The following VASH1 variants were observed in gnomAD, a reference collection of about 807,000 sequenced individuals.
VASH1 encodes the protein tubulinyl-Tyr carboxypeptidase 1.
In VASH1, 16 loss-of-function variants were observed where a neutral mutation model predicts 35.0. That is an observed-to-expected ratio of 0.46 (90% CI 0.31 to 0.70). The LOEUF (loss-of-function observed/expected upper bound fraction) is 0.70. Among genes scored for constraint, VASH1 ranks in the 30% least tolerant of loss-of-function variants. The pLI is 0.05. For synonymous variants in VASH1, 214 were observed against 200.9 expected (o/e 1.07, Z -0.55); for missense variants, 505 against 510.7 (o/e 0.99, Z 0.11).
At chr14:76,774,927 T>TCCTTTGTGTAG (rs1893892652) in intron 4 of VASH1, 1 of 152,286 alleles carries the variant, frequency 6.6e-6, no homozygotes, top group African/African-American at 2.4e-5. Flanking sequence ...CAAAGGGGGA[T>TCCTTTGTGTAG]AGTGGCAGTG....
chr14:76,780,584 T>C lies in VASH1; in HGVS notation c.*1566T>C, dbSNP rs1894077505. 6.6e-6 allele frequency: 1 copy of C among 152,262 alleles called. No individual in the cohort carries two copies. The allele number at this position is 152,262 out of a possible 1,614,324, so 9.4% of individuals were successfully genotyped here. A position where few individuals can be genotyped will look rare whatever the true frequency, so the allele number is the denominator to read the frequency against. ...TGAGAAGGAGGCCTGAAGGGCTGTG[T>C]GGGGACTATGGCTACCTGAAGAGGG... is the stretch of plus-strand genomic sequence containing the variant. On this transcript the variant is annotated 3_prime_UTR_variant, in exon 7 of 7. Coordinates refer to ENST00000167106, the MANE Select transcript of VASH1 (RefSeq NM_014909.5).
chr14:76,762,690 C>G lies in VASH1; in HGVS notation c.-132C>G. 2.7e-6 allele frequency: 2 copies of G among 748,696 alleles called. No individual in the cohort carries two copies. The highest frequency in any genetic ancestry group is 4.0e-6 in the Non-Finnish European group (2 of 498,954). The allele number at this position is 748,696 out of a possible 1,614,324, so 46.4% of individuals were successfully genotyped here. Reference sequence around the variant, plus strand: ...TTTTATCAAGTCGTATTTTATTGTACAGGAGCCACGCCCTGATTTCTTAAA... The same window carrying G: ...TTTTATCAAGTCGTATTTTATTGTAGAGGAGCCACGCCCTGATTTCTTAAA... On this transcript the variant is annotated 5_prime_UTR_variant, in exon 1 of 7. Coordinates refer to ENST00000167106, the MANE Select transcript of VASH1 (RefSeq NM_014909.5).
At chr14:76,771,622 C>G (rs1269700004) in intron 3 of VASH1, among the ~76,000 whole-genome samples, 1 of 152,224 alleles carries the variant, frequency 6.6e-6, no homozygotes, top group Non-Finnish European at 1.5e-5. Context: ...CTTCTCTGTT[C>G]TGCGGCTGCC....
chr14:76,779,215 CGTTA>C lies in VASH1; in HGVS notation c.*200_*203del. On this transcript the variant is annotated 3_prime_UTR_variant, in exon 7 of 7. Coordinates refer to ENST00000167106, the MANE Select transcript of VASH1 (RefSeq NM_014909.5). ...GCCCCCTAACTTTGGGCCTAGAGGC[CGTTA>C]GTATTTTATTTGGAGTTTTTAACTC... is the stretch of plus-strand genomic sequence containing the variant. 2.9e-6 allele frequency: 2 copies of C among 693,486 alleles called. No homozygotes were observed. The highest frequency in any genetic ancestry group is 5.2e-6 in the Non-Finnish European group (2 of 386,104). The allele number at this position is 693,486 out of a possible 1,614,324, so 43.0% of individuals were successfully genotyped here.
chr14:76,776,033 G>A lies in VASH1; in HGVS notation c.672G>A (p.Glu224=). 6.2e-7 allele frequency: 1 copy of A among 1,612,180 alleles called. No homozygotes were observed. Among genetic ancestry groups the A allele is most frequent in the Non-Finnish European group, 8.5e-7 (1 of 1,179,780 alleles). The change falls in exon 5 of 7, where the codon GAG becomes GAA. Residue 224 remains glutamate (E), a synonymous_variant. Transcript: ENST00000167106. ...RYGALGMSRR[E]DLMYKPPAFR... ...GTGCGCTGGGCATGAGTCGGCGCGA[G>A]GACCTGATGTACAAGCCGCCCGCCT...
rs1894095162 is a variant in VASH1 at position 76,781,180 on chromosome 14, G to A, written c.*2162G>A. 3 of 152,286 alleles carry A rather than the reference G, an allele frequency of 2.0e-5. No homozygotes were observed. The allele number at this position is 152,286 out of a possible 1,614,324, so 9.4% of individuals were successfully genotyped here. ...AGCGCTTGACCCAGAGCCAGATCCA[G>A]CATGGCCTGGCCAGAGGCACCCTGG... On this transcript the variant is annotated 3_prime_UTR_variant, in exon 7 of 7. Coordinates refer to ENST00000167106, the MANE Select transcript of VASH1 (RefSeq NM_014909.5).
At chr14:76,777,745 C>A (rs1338363427) in intron 5 of VASH1, among the ~76,000 whole-genome samples, 1 of 152,212 alleles carries the variant, frequency 6.6e-6, no homozygotes, top group Non-Finnish European at 1.5e-5. Flanking sequence ...TTCAGGAGCC[C>A]ACAGGGATTG....
In VASH1 at chr14:76,778,446, G is replaced by A. The variant is rs1163236614; in HGVS notation, c.1025+375G>A. Among the ~76,000 whole-genome samples, 5 of 152,194 alleles carry A rather than the reference G, an allele frequency of 3.3e-5. No individual in the cohort carries two copies. In the South Asian group the frequency reaches 1.0e-3, roughly 32 times the overall value. The stretch of plus-strand genomic sequence containing the variant: ...CCACCCAAGAGTCTGGTTTTTGTCT[G>A]TATCCAGGTAGCAAGAACAAGCCAT... On this transcript the variant is annotated intron_variant, in intron 6 of 6. Coordinates refer to ENST00000167106, the MANE Select transcript of VASH1 (RefSeq NM_014909.5).
intron 4 of VASH1, 84 bp from the exon 5 acceptor site, chr14:76,775,808 A>T: frequency 1.4e-6 from 2 of 1,468,160 alleles, no homozygotes; most frequent in South Asian, 2.8e-5. Flanking sequence ...CGGTGCGTGG[A>T]CCCCGTGGCT....
At chr14:76,769,923 G>A in intron 1 of VASH1, 40 bp from the exon 2 acceptor site, 1 of 1,602,158 alleles carries the variant, frequency 6.2e-7, no homozygotes, top group Non-Finnish European at 8.6e-7. Context: ...GCTCCAAGGT[G>A]AGCCTCTTCT....
At chr14:76,778,289 C>T (rs897910575) in intron 6 of VASH1, among the ~76,000 whole-genome samples, 2 of 152,150 alleles carry the variant, frequency 1.3e-5, no homozygotes, top group African/African-American at 4.8e-5. Flanking sequence ...ACTCTGCTAG[C>T]CCACTAGTCT....
rs1251796853 is a variant in VASH1 at position 76,762,646 on chromosome 14, A to AC, written c.-174dup. On this transcript the variant is annotated 5_prime_UTR_variant, in exon 1 of 7. Coordinates refer to ENST00000167106, the MANE Select transcript of VASH1 (RefSeq NM_014909.5). ...AACCCACCCCCTCGGACCCTAATTCACCTTATTGCACTGATTTTTTTTATC... is the reference window on the plus strand; with the variant it reads ...AACCCACCCCCTCGGACCCTAATTCACCCTTATTGCACTGATTTTTTTTATC... The AC allele has an allele frequency of 2.0e-6, 1 of 489,770 alleles. No individual in the cohort carries two copies. Among genetic ancestry groups the AC allele is most frequent in the East Asian group, 3.5e-5 (1 of 28,744 alleles). The allele number at this position is 489,770 out of a possible 1,614,324, so 30.3% of individuals were successfully genotyped here.
intron 1 of VASH1, chr14:76,769,742 G>A: frequency 8.3e-6 from 5 of 600,336 alleles, no homozygotes; most frequent in South Asian, 5.9e-5. Context: ...CTCTGAATGA[G>A]GAATGCTGTT....
intron 1 of VASH1, among the ~76,000 whole-genome samples, chr14:76,766,700 C>A (rs1293526315): frequency 6.6e-6 from 1 of 152,250 alleles, no homozygotes; most frequent in East Asian, 1.9e-4. Flanking sequence ...CCTCAGCCTC[C>A]CAAAGTGCTG....
In VASH1 at chr14:76,761,661, C is replaced by T. The variant is rs1893508132; in HGVS notation, c.-1161C>T. Among the ~76,000 whole-genome samples, 1 of 151,936 alleles carries T rather than the reference C, an allele frequency of 6.6e-6. No individual in the cohort carries two copies. The highest frequency in any genetic ancestry group is 1.5e-5 in the Non-Finnish European group (1 of 67,936). On this transcript the variant is annotated 5_prime_UTR_variant, in exon 1 of 7. Transcript: ENST00000167106. ...GGCACCAGCGCAGCGCGCGCTCGCC[C>T]GGCTTCGTCACTCGCCTCCAGCTAC...
chr14:76,769,698 T>C (rs1893738736), intron 1 of VASH1, among the ~76,000 whole-genome samples: 1 of 152,232 alleles, frequency 6.6e-6, no homozygotes, highest in African/African-American at 2.4e-5. Flanking sequence ...TCTGAAGTTA[T>C]TAAAGAAGCA....
In VASH1 at chr14:76,762,885, G is replaced by A. The variant is rs1893540242; in HGVS notation, c.64G>A (p.Ala22Thr). Residue 22 changes from alanine to threonine, a missense_variant, in exon 1 of 7, where the codon GCC (alanine) becomes ACC (threonine). Physicochemically the swap from Ala to Thr is moderately conservative, Grantham distance 58. Transcript: ENST00000167106. ...CGGTGCCACTCCAACGTCCGCTGCG[G>A]CCACCGCCCCCTCTGGGGTCAGGCG... is the stretch of plus-strand genomic sequence containing the variant. ...SSGATPTSAA[A>T]TAPSGVRRLE... is the part of the protein sequence containing the mutation. The A allele has an allele frequency of 6.4e-7, 1 of 1,554,464 alleles. No homozygotes were observed. The highest frequency in any genetic ancestry group is 1.9e-5 in the Admixed American group (1 of 52,044).
At position 76,769,586 on chromosome 14, in the gene VASH1, G is replaced by C. The variant is rs1893736447; in HGVS notation, c.310-377G>C. ...CAGCTTTGATCCGGCGCTTGAACCAGAGCAAACTTCAAACCTAAAATAACC... is the reference window on the plus strand; with the variant it reads ...CAGCTTTGATCCGGCGCTTGAACCACAGCAAACTTCAAACCTAAAATAACC... On this transcript the variant is annotated intron_variant, in intron 1 of 6. Coordinates refer to ENST00000167106, the MANE Select transcript of VASH1 (RefSeq NM_014909.5). 9.2e-6 allele frequency: 8 copies of C among 866,882 alleles called. No homozygotes were observed. The South Asian group carries it at 1.3e-4, about 14-fold the overall frequency. The allele number at this position is 866,882 out of a possible 1,614,324, so 53.7% of individuals were successfully genotyped here. A position where few individuals can be genotyped will look rare whatever the true frequency, so the allele number is the denominator to read the frequency against.
At chr14:76,771,281 C>T (rs145320337) in intron 3 of VASH1, 35 bp downstream of exon 3, 2 of 1,560,650 alleles carry the variant, frequency 1.3e-6, no homozygotes, top group Non-Finnish European at 1.7e-6. Flanking sequence ...TGCCCCAGGG[C>T]TGGCTTGGAG....
Sources: allele counts gnomAD v4.1 joint callset (sites outside exome capture counted in the v4.1 genomes callset), GRCh38; gene constraint gnomAD v4.1.1; transcripts MANE v1.5; gene names NCBI Gene and HGNC (gene_info 2026-07-23, HGNC 2026-07-21).